Variants in CATSPERB observed in about 807,000 individuals in gnomAD.
CATSPERB encodes the protein catsper channel auxiliary subunit beta.
CATSPERB carries 93 observed loss-of-function variants against 128.3 expected under a neutral mutation model. That is an observed-to-expected ratio of 0.72 (90% CI 0.61 to 0.86). CATSPERB has a LOEUF of 0.86. CATSPERB is among the 40% of genes least tolerant of loss of function. The pLI is 0.00. For missense variants in CATSPERB, 1,153 were observed against 1,329.5 expected, an observed-to-expected ratio of 0.87 and a Z score of 2.06; for synonymous variants, 381 against 448.8, an observed-to-expected ratio of 0.85 and a Z score of 1.91.
intron 19 of CATSPERB, among the ~76,000 whole-genome samples, chr14:91,617,970 T>C (rs555802867): frequency 6.6e-6 from 1 of 152,232 alleles, no homozygotes; most frequent in South Asian, 2.1e-4. Context: ...AAGAAAGAAT[T>C]CAGGGTGAGT....
intron 14 of CATSPERB, among the ~76,000 whole-genome samples, chr14:91,664,676 C>T (rs1894948747): frequency 6.6e-6 from 1 of 152,154 alleles, no homozygotes; most frequent in African/African-American, 2.4e-5. Context: ...ACAACCCTCA[C>T]ATCCAACTGG....
At chr14:91,709,967 A>T (rs985735776) in intron 5 of CATSPERB, 19 of 152,608 alleles carry the variant, frequency 1.2e-4, no homozygotes, top group African/African-American at 4.6e-4. Flanking sequence ...CATTCTAAAC[A>T]CAGAAGAAGT....
At position 91,639,255 on chromosome 14, in the gene CATSPERB, T is replaced by C. The variant is rs373409535; in HGVS notation, c.1433-5A>G. 3.0e-4 allele frequency: 491 copies of C among 1,611,648 alleles called. No individual in the cohort carries two copies. The highest frequency in any genetic ancestry group is 3.8e-4 in the Non-Finnish European group (445 of 1,179,036). ...CTGCACTGTATCTTCCCATTCCTAT[T>C]AGGAAATACAGAGAAGTGTCTTGAT... On this transcript the variant is annotated splice_region_variant and splice_polypyrimidine_tract_variant and intron_variant, in intron 15 of 26. Transcript: ENST00000256343.
intron 5 of CATSPERB, among the ~76,000 whole-genome samples, chr14:91,717,241 G>A (rs543260311): frequency 1.4e-4 from 21 of 152,278 alleles, no homozygotes; most frequent in African/African-American, 4.8e-4. Flanking sequence ...TATGGGTGGA[G>A]TGACTTTATT....
intron 5 of CATSPERB, among the ~76,000 whole-genome samples, chr14:91,719,124 ATAC>A (rs1195172409): frequency 6.6e-6 from 1 of 152,228 alleles, no homozygotes; most frequent in Non-Finnish European, 1.5e-5. Flanking sequence ...ACCCATATTA[ATAC>A]TACAATTTCC....
intron 7 of CATSPERB, among the ~76,000 whole-genome samples, chr14:91,701,623 G>A (rs1425717114): frequency 2.0e-5 from 3 of 152,132 alleles, no homozygotes; most frequent in Non-Finnish European, 4.4e-5. Context: ...GATGGTTTAT[G>A]TCTTAAGAAT....
At chr14:91,689,283 T>C (rs1895426574) in intron 10 of CATSPERB, among the ~76,000 whole-genome samples, 1 of 152,160 alleles carries the variant, frequency 6.6e-6, no homozygotes, top group Non-Finnish European at 1.5e-5. Flanking sequence ...TTCCCAGTCC[T>C]CTACTCCCCG....
intron 1 of CATSPERB, among the ~76,000 whole-genome samples, chr14:91,729,850 T>A (rs1393609748): frequency 1.3e-5 from 2 of 152,296 alleles, no homozygotes; most frequent in African/African-American, 2.4e-5. Context: ...ACGTTGCTTT[T>A]GGGGAAGACA....
At chr14:91,603,406 C>T (rs2139770323) in intron 22 of CATSPERB, 4 of 1,606,966 alleles carry the variant, frequency 2.5e-6, no homozygotes, top group South Asian at 2.2e-5. Flanking sequence ...GTATAAGCAG[C>T]ACGTCCTCAT....
intron 22 of CATSPERB, chr14:91,592,316 G>T (rs1893423353): frequency 2.8e-6 from 1 of 355,454 alleles, no homozygotes; most frequent in Non-Finnish European, 5.2e-6. Flanking sequence ...AACTGCTCTT[G>T]GCCCCTGCCA....
rs550094467 is a variant in CATSPERB, at chr14:91,660,268, G to A, written c.1288-287C>T. 4.6e-5 allele frequency among the ~76,000 whole-genome samples: 7 copies of A among 152,196 alleles called. 1 individual carries two copies. The South Asian group carries it at 6.2e-4, about 14-fold the overall frequency. ...CATAGTGATTGTATAAAATAACAAA[G>A]TTATTCCTATGATCTCCCAAATAAT... On this transcript the variant is annotated intron_variant, in intron 14 of 26. Coordinates refer to ENST00000256343, the MANE Select transcript of CATSPERB (RefSeq NM_024764.4).
chr14:91,661,524 C>CATATATATATATATATATATAT lies in CATSPERB; in HGVS notation c.1288-1565_1288-1544dup, dbSNP rs58330624. Among the ~76,000 whole-genome samples, 237 of 126,978 alleles carry CATATATATATATATATATATAT rather than the reference C, an allele frequency of 1.9e-3. 2 individuals carry two copies. Among genetic ancestry groups the CATATATATATATATATATATAT allele is most frequent in the African/African-American group, 5.6e-3 (174 of 31,224 alleles). 83.3% of individuals were successfully genotyped at this position (126,978 alleles called of 152,430 possible). A position where few individuals can be genotyped will look rare whatever the true frequency, so the allele number is the denominator to read the frequency against. ...ATTAAGCTGCTGAGTCAGATGCTAT[C>CATATATATATATATATATATAT]ATATATATATATATATATATATATT... On this transcript the variant is annotated intron_variant, in intron 14 of 26. Coordinates refer to ENST00000256343, the MANE Select transcript of CATSPERB (RefSeq NM_024764.4).
intron 5 of CATSPERB, among the ~76,000 whole-genome samples, chr14:91,712,252 C>T (rs2139770781): frequency 6.6e-6 from 1 of 152,096 alleles, no homozygotes; most frequent in South Asian, 2.1e-4. Context: ...AATTTCACAA[C>T]AGGCAAATTG....
chr14:91,662,825 C>A (rs1284026142), intron 14 of CATSPERB, among the ~76,000 whole-genome samples: 1 of 152,156 alleles, frequency 6.6e-6, no homozygotes, highest in African/African-American at 2.4e-5. Context: ...CGTATTCATT[C>A]CACTTGTTTC....
chr14:91,676,114 G>T (rs1333687885), intron 11 of CATSPERB, among the ~76,000 whole-genome samples: 1 of 152,100 alleles, frequency 6.6e-6, no homozygotes, highest in Non-Finnish European at 1.5e-5. Context: ...TAAAAAAAAG[G>T]CTATATTGGT....
intron 6 of CATSPERB, among the ~76,000 whole-genome samples, chr14:91,705,978 C>G (rs146788838): frequency 1.3e-5 from 2 of 151,584 alleles, no homozygotes; most frequent in African/African-American, 4.9e-5. Flanking sequence ...AAAAAGAGTA[C>G]AAAAAGTAAG....
rs759879376 is a variant in CATSPERB at position 91,672,904 on chromosome 14, T to G, written c.1091A>C (p.Gln364Pro). 6.3e-7 allele frequency: 1 copy of G among 1,598,738 alleles called. No individual in the cohort carries two copies. Residue 364 changes from glutamine to proline, a missense_variant, in exon 13 of 27, where the codon CAA becomes CCA. Coordinates refer to ENST00000256343, the MANE Select transcript of CATSPERB (RefSeq NM_024764.4). ...GAGGTAAACTCCAGTACCACGCTCT[T>G]GGTCAACAAGAAATGTTAGCACAGT... is the stretch of plus-strand genomic sequence containing the variant. ...FPTVLTFLVD[Q>P]ERGTGVYLFY...
At chr14:91,701,853 G>C (rs1566735558) in intron 7 of CATSPERB, among the ~76,000 whole-genome samples, 1 of 150,896 alleles carries the variant, frequency 6.6e-6, no homozygotes, top group African/African-American at 2.4e-5. Flanking sequence ...TGAGGCTGTA[G>C]TGAGCCATGA....
At chr14:91,598,876 A>AAT (rs71120174) in intron 22 of CATSPERB, among the ~76,000 whole-genome samples, 2 of 148,550 alleles carry the variant, frequency 1.3e-5, no homozygotes, top group Admixed American at 6.7e-5. Flanking sequence ...AAAAAAAAAA[A>AAT]GGAAAAAGAT....
Sources: gnomAD v4.1 joint callset for allele counts (sites outside exome capture counted in the v4.1 genomes callset) on GRCh38, gnomAD v4.1.1 for gene constraint, MANE v1.5 for transcripts, NCBI Gene and HGNC (gene_info 2026-07-23, HGNC 2026-07-21) for gene names.